Variants in ABCC4 observed in about 807,000 individuals in gnomAD.
ABCC4 encodes the protein ATP binding cassette subfamily C member 4 (PEL blood group).
A neutral mutation model predicts 168.5 loss-of-function variants in ABCC4; 102 were observed. The observed-to-expected ratio is 0.61, with a 90% CI of 0.52 to 0.71. The LOEUF (loss-of-function observed/expected upper bound fraction) is 0.71. Ranked by LOEUF, ABCC4 falls within the 30% of genes least tolerant of loss-of-function variation. The pLI, the probability that ABCC4 is intolerant of heterozygous loss-of-function variation, is 0.00. For missense variants in ABCC4, 1,402 were observed against 1,605.8 expected, an observed-to-expected ratio of 0.87 and a Z score of 2.17; for synonymous variants, 617 against 590.7, an observed-to-expected ratio of 1.04 and a Z score of -0.65.
chr13:95,178,578 T>A (rs1233690168), intron 11 of ABCC4, among the ~76,000 whole-genome samples: 1 of 152,180 alleles, frequency 6.6e-6, no homozygotes, highest in Non-Finnish European at 1.5e-5. Flanking sequence ...GGGGATGGAC[T>A]GGCTGGCACA....
chr13:95,130,527 C>A (rs2035923747), intron 19 of ABCC4, among the ~76,000 whole-genome samples: 2 of 152,228 alleles, frequency 1.3e-5, no homozygotes, highest in Middle Eastern at 3.4e-3. Context: ...CATAAACATA[C>A]CGTGGCAAAA....
At chr13:95,064,488 C>A (rs750170270) in intron 25 of ABCC4, among the ~76,000 whole-genome samples, 2 of 115,484 alleles carry the variant, frequency 1.7e-5, no homozygotes, top group Admixed American at 8.9e-5. Flanking sequence ...CACACACATA[C>A]ACACACACAC....
intron 29 of ABCC4, among the ~76,000 whole-genome samples, chr13:95,037,402 G>C (rs910774754): frequency 3.3e-5 from 5 of 152,198 alleles, no homozygotes; most frequent in African/African-American, 1.2e-4. Context: ...ATCCAATATT[G>C]AGTGAATGTC....
intron 1 of ABCC4, among the ~76,000 whole-genome samples, chr13:95,281,823 CA>C (rs1199692856): frequency 6.6e-6 from 1 of 151,912 alleles, no homozygotes; most frequent in Non-Finnish European, 1.5e-5. Context: ...AAATCACAAT[CA>C]GGCCAGGCAC....
At chr13:95,028,478 C>T (rs1449054166) in intron 30 of ABCC4, among the ~76,000 whole-genome samples, 1 of 151,916 alleles carries the variant, frequency 6.6e-6, no homozygotes. Flanking sequence ...CCGCTACCAC[C>T]AAAAAGTTTT....
chr13:95,233,337 T>C (rs1272153161), intron 4 of ABCC4, among the ~76,000 whole-genome samples: 1 of 141,050 alleles, frequency 7.1e-6, no homozygotes, highest in East Asian at 2.1e-4. Context: ...AAAAAAATCA[T>C]GTCCTTTGCA....
chr13:95,048,202 G>A (rs1406563732), intron 27 of ABCC4, among the ~76,000 whole-genome samples: 1 of 152,042 alleles, frequency 6.6e-6, no homozygotes, highest in Non-Finnish European at 1.5e-5. Context: ...AAAACTTAAT[G>A]TTTTCTACAT....
intron 1 of ABCC4, among the ~76,000 whole-genome samples, chr13:95,269,642 T>G (rs1017680230): frequency 6.6e-6 from 1 of 152,076 alleles, no homozygotes; most frequent in Admixed American, 6.6e-5. Flanking sequence ...TAATTTATTA[T>G]CCACGTTACA....
intron 14 of ABCC4, 133 bp from the exon 15 acceptor site, chr13:95,166,500 A>C (rs1236185921): frequency 5.6e-6 from 4 of 718,456 alleles, no homozygotes; most frequent in Non-Finnish European, 9.1e-6. Flanking sequence ...TAGTTGACAA[A>C]TCTAATACAA....
chr13:95,182,061 A>G (rs2037914570), intron 11 of ABCC4, among the ~76,000 whole-genome samples: 1 of 152,106 alleles, frequency 6.6e-6, no homozygotes, highest in Non-Finnish European at 1.5e-5. Context: ...AAGTACTGGG[A>G]TTACAGGTTT....
chr13:95,280,354 T>C (rs2041085470), intron 1 of ABCC4, among the ~76,000 whole-genome samples: 1 of 148,124 alleles, frequency 6.8e-6, no homozygotes, highest in African/African-American at 2.5e-5. Context: ...GAGGCAGAGG[T>C]TGTGGTACGC....
At chr13:95,207,318 G>A (rs1594298049) in intron 7 of ABCC4, among the ~76,000 whole-genome samples, 4 of 152,236 alleles carry the variant, frequency 2.6e-5, no homozygotes, top group Admixed American at 2.6e-4. Context: ...ATGAGCCACT[G>A]CGCCCAGCCC....
intron 19 of ABCC4, among the ~76,000 whole-genome samples, chr13:95,145,993 C>T (rs909511001): frequency 5.9e-5 from 9 of 152,244 alleles, no homozygotes; most frequent in African/African-American, 2.2e-4. Flanking sequence ...AGGAGGATCA[C>T]CTGAGGTCAG....
intron 21 of ABCC4, among the ~76,000 whole-genome samples, chr13:95,081,763 G>A (rs2034103922): frequency 1.3e-5 from 2 of 152,144 alleles, no homozygotes; most frequent in South Asian, 4.1e-4. Flanking sequence ...CACTTTGGGA[G>A]GCTGAGGCAG....
In ABCC4 at chr13:95,166,304, G is replaced by A; in HGVS notation, c.1888C>T (p.Leu630Phe). Residue 630 changes from leucine to phenylalanine, a missense_variant, in exon 15 of 31, where the codon CTT becomes TTT. Leu to Phe is a conservative substitution (Grantham distance 22). Around this residue, in one of 3 missense-constraint regions of ABCC4, gnomAD observed 1,007 missense variants for 1,127.3 expected, o/e 0.89. Transcript: ENST00000645237. The stretch of plus-strand genomic sequence containing the variant: ...CTTTCCTCATTATCCTTCTTTAAAA[G>A]GGAGCCAAAATCTATACCAGATTTT... ...FLKSGIDFGS[L>F]LKKDNEESEQ... 4 of 1,613,936 alleles carry A rather than the reference G, an allele frequency of 2.5e-6. No homozygotes were observed. Among genetic ancestry groups the A allele is most frequent in the Non-Finnish European group, 2.5e-6 (3 of 1,180,010 alleles).
At chr13:95,195,010 A>G (rs1458353068) in intron 8 of ABCC4, 73 bp from the exon 9 acceptor site, 3 of 1,291,194 alleles carry the variant, frequency 2.3e-6, no homozygotes, top group African/African-American at 1.5e-5. Flanking sequence ...CACTGCTTCC[A>G]TGGAATTTGT....
intron 8 of ABCC4, among the ~76,000 whole-genome samples, chr13:95,203,747 C>A (rs2038698134): frequency 6.6e-6 from 1 of 152,056 alleles, no homozygotes; most frequent in Non-Finnish European, 1.5e-5. Flanking sequence ...CACAGAGGGA[C>A]ACACATAACG....
intron 4 of ABCC4, among the ~76,000 whole-genome samples, chr13:95,232,991 C>T (rs2039665855): frequency 6.6e-6 from 1 of 152,160 alleles, no homozygotes; most frequent in African/African-American, 2.4e-5. Context: ...CATCCCTGGA[C>T]TCAACCAACC....
rs372218007 is a variant in ABCC4 at position 95,079,730 on chromosome 13, G to A, written c.2686+3410C>T. Among the ~76,000 whole-genome samples, 28 of 152,260 alleles carry A rather than the reference G, an allele frequency of 1.8e-4. No homozygotes were observed. The East Asian group carries it at 3.1e-3, about 17-fold the overall frequency. On this transcript the variant is annotated intron_variant, in intron 21 of 30. Coordinates refer to ENST00000645237, the MANE Select transcript of ABCC4 (RefSeq NM_005845.5). ...GGTGCCTGCAGTCCTAGCTATTCAG[G>A]AAGCTGAGACAGGAGAATTTCTTGA...
Sources: gnomAD v4.1 joint callset for allele counts (sites outside exome capture counted in the v4.1 genomes callset) on GRCh38, gnomAD v4.1.1 for gene constraint, gnomAD v4.1.1 regional missense constraint, MANE v1.5 for transcripts, NCBI Gene and HGNC (gene_info 2026-07-23, HGNC 2026-07-21) for gene names.